Variants in FOXP1 observed in about 807,000 individuals in gnomAD.
FOXP1 encodes the protein forkhead box P1, also known as forkhead box protein P1.
FOXP1 carries 15 observed loss-of-function variants against 98.2 expected under a neutral mutation model. The observed-to-expected ratio is 0.15, with a 90% confidence interval of 0.10 to 0.24. FOXP1 has a LOEUF of 0.24. Among genes scored for constraint, FOXP1 ranks in the 10% least tolerant of loss-of-function variants. FOXP1 has a pLI of 1.00. For synonymous variants in FOXP1, 371 were observed against 314.5 expected (o/e 1.18, Z -1.90); for missense variants, 633 against 848.5 (o/e 0.75, Z 3.15).
intron 4 of FOXP1, among the ~76,000 whole-genome samples, chr3:71,308,804 T>TGTGTGTGG (rs1553836101): frequency 9.9e-4 from 127 of 128,132 alleles, no homozygotes; most frequent in African/African-American, 3.5e-3. Flanking sequence ...TGTGTGTGTG[T>TGTGTGTGG]GTGGGTGAGG....
chr3:71,490,115 T>C (rs1275437023), intron 3 of FOXP1, among the ~76,000 whole-genome samples: 3 of 152,176 alleles, frequency 2.0e-5, no homozygotes, highest in African/African-American at 7.2e-5. Context: ...AATGACTAAC[T>C]ATCAGATGCA....
At chr3:71,520,366 C>A (rs895295518) in intron 2 of FOXP1, among the ~76,000 whole-genome samples, 3 of 152,226 alleles carry the variant, frequency 2.0e-5, no homozygotes, top group African/African-American at 7.2e-5. Context: ...ATGAAACTGG[C>A]TGACCCCTTT....
intron 3 of FOXP1, among the ~76,000 whole-genome samples, chr3:71,465,928 CCTAA>C (rs1036373337): frequency 6.6e-6 from 1 of 152,116 alleles, no homozygotes; most frequent in African/African-American, 2.4e-5. Flanking sequence ...CTTATGAGAA[CCTAA>C]CTAATGCCTG....
intron 3 of FOXP1, among the ~76,000 whole-genome samples, chr3:71,377,727 A>T (rs1169634818): frequency 6.6e-6 from 1 of 152,252 alleles, no homozygotes; most frequent in African/African-American, 2.4e-5. Flanking sequence ...GCAACTTGAA[A>T]AAACAACTTT....
chr3:71,413,364 C>T (rs1481620218), intron 3 of FOXP1, among the ~76,000 whole-genome samples: 1 of 151,142 alleles, frequency 6.6e-6, no homozygotes, highest in Non-Finnish European at 1.5e-5. Flanking sequence ...GCTGCGCTGC[C>T]ATTACAAAGA....
intron 11 of FOXP1, among the ~76,000 whole-genome samples, chr3:71,017,279 T>TA (rs2044640635): frequency 1.3e-5 from 2 of 152,206 alleles, no homozygotes. Flanking sequence ...AAGAATTTAC[T>TA]AACAGTATTA....
chr3:71,112,134 C>G (rs1350501835), intron 7 of FOXP1, among the ~76,000 whole-genome samples: 2 of 150,482 alleles, frequency 1.3e-5, no homozygotes, highest in African/African-American at 4.9e-5. Flanking sequence ...GTGGGGGGGT[C>G]GCCAAAATCT....
intron 6 of FOXP1, among the ~76,000 whole-genome samples, chr3:71,174,502 ATTG>A (rs1355684682): frequency 6.6e-6 from 1 of 152,286 alleles, no homozygotes; most frequent in South Asian, 2.1e-4. Flanking sequence ...CTATGTATGA[ATTG>A]TTGTTGTTAA....
chr3:71,051,529 G>A lies in FOXP1; in HGVS notation c.510+1008C>T, dbSNP rs141363357. Among the ~76,000 whole-genome samples, 21 of 152,322 alleles carry A rather than the reference G, an allele frequency of 1.4e-4. 1 individual carries two copies. The highest frequency in any genetic ancestry group is 4.6e-4 in the African/African-American group (19 of 41,562). On this transcript the variant is annotated intron_variant, in intron 9 of 20. Transcript: ENST00000649528. ...ACAGGGACGTCGAGTCACCTGGTAAGACTCCCTGCAAAAGAACAAAAGTGG... is the reference window on the plus strand; with the variant it reads ...ACAGGGACGTCGAGTCACCTGGTAAAACTCCCTGCAAAAGAACAAAAGTGG...
At chr3:71,512,534 G>GTTAA (rs2042274394) in intron 2 of FOXP1, among the ~76,000 whole-genome samples, 1 of 152,152 alleles carries the variant, frequency 6.6e-6, no homozygotes, top group South Asian at 2.1e-4. Context: ...ACACACTTAA[G>GTTAA]TAGTACATAT....
At chr3:71,417,011 G>A (rs1411751534) in intron 3 of FOXP1, among the ~76,000 whole-genome samples, 2 of 152,146 alleles carry the variant, frequency 1.3e-5, no homozygotes, top group African/African-American at 4.8e-5. Context: ...GGAGACTGGG[G>A]CGGAACCAGT....
In FOXP1 at chr3:70,958,922, G is replaced by T. The variant is rs1392725048; in HGVS notation, c.*325C>A. 3 of 426,216 alleles carry T rather than the reference G, an allele frequency of 7.0e-6. No individual in the cohort carries two copies. Among genetic ancestry groups the T allele is most frequent in the African/African-American group, 2.0e-5 (1 of 50,450 alleles). The allele number at this position is 426,216 out of a possible 1,614,324, so 26.4% of individuals were successfully genotyped here. On this transcript the variant is annotated 3_prime_UTR_variant, in exon 21 of 21. Coordinates refer to ENST00000649528, the MANE Select transcript of FOXP1 (RefSeq NM_001349338.3). ...AACGTTGGCAGGACTGCAGTTCAAA[G>T]TCTGCTGCTAAAAGTGAATCAGTTT... is the stretch of plus-strand genomic sequence containing the variant.
chr3:71,198,621 A>C (rs891382130), intron 5 of FOXP1, among the ~76,000 whole-genome samples: 1 of 152,172 alleles, frequency 6.6e-6, no homozygotes, highest in Non-Finnish European at 1.5e-5. Flanking sequence ...TATTGTTTTA[A>C]ATATATTACT....
intron 19 of FOXP1, among the ~76,000 whole-genome samples, chr3:70,967,710 G>GTTTTTT (rs756777959): frequency 8.1e-4 from 56 of 68,858 alleles, no homozygotes; most frequent in Non-Finnish European, 1.2e-3. Context: ...GTTTTTTTTT[G>GTTTTTT]TTTTTTTTTT....
intron 2 of FOXP1, among the ~76,000 whole-genome samples, chr3:71,568,429 G>A (rs553220263): frequency 5.3e-5 from 8 of 152,240 alleles, no homozygotes; most frequent in African/African-American, 1.9e-4. Context: ...TGAATCTCAG[G>A]CAGAGCTGGT....
intron 2 of FOXP1, among the ~76,000 whole-genome samples, chr3:71,494,092 C>A (rs2091248729): frequency 6.6e-6 from 1 of 151,970 alleles, no homozygotes; most frequent in Non-Finnish European, 1.5e-5. Context: ...ACATAAGGAG[C>A]AATACTCATG....
chr3:71,378,844 A>G (rs996148114), intron 3 of FOXP1, among the ~76,000 whole-genome samples: 3 of 152,074 alleles, frequency 2.0e-5, no homozygotes, highest in African/African-American at 7.2e-5. Flanking sequence ...CATAGCCCCT[A>G]TAGGGTTTAG....
chr3:71,074,417 G>A (rs2053590253), intron 7 of FOXP1, among the ~76,000 whole-genome samples: 1 of 152,158 alleles, frequency 6.6e-6, no homozygotes, highest in Non-Finnish European at 1.5e-5. Flanking sequence ...AGTAGAGACA[G>A]GGTTTCATCC....
At chr3:71,541,940 T>A (rs1285946884) in intron 2 of FOXP1, 2 of 526,804 alleles carry the variant, frequency 3.8e-6, no homozygotes, top group Admixed American at 2.0e-5. Context: ...AAACTACTCC[T>A]TTGCCACATG....
Sources: gnomAD v4.1 joint callset for allele counts (sites outside exome capture counted in the v4.1 genomes callset) on GRCh38, gnomAD v4.1.1 for gene constraint, MANE v1.5 for transcripts, NCBI Gene and HGNC (gene_info 2026-07-23, HGNC 2026-07-21) for gene names.